Variants in FAT3 observed in about 807,000 individuals in gnomAD.
The protein encoded by FAT3 is protocadherin Fat 3.
A neutral mutation model predicts 310.2 loss-of-function variants in FAT3; 95 were observed. That is an observed-to-expected ratio of 0.31 (90% CI 0.26 to 0.36). The LOEUF is 0.36. Among genes scored for constraint, FAT3 ranks in the 10% least tolerant of loss-of-function variants. The pLI, the probability that FAT3 is intolerant of heterozygous loss-of-function variation, is 1.00. For missense variants in FAT3, 5,408 were observed against 5,715.6 expected, an observed-to-expected ratio of 0.95 and a Z score of 1.74; for synonymous variants, 2,314 against 2,192.9, an observed-to-expected ratio of 1.06 and a Z score of -1.54.
At chr11:92,318,886 C>T (rs1410382535) in intron 1 of FAT3, among the ~76,000 whole-genome samples, 1 of 152,180 alleles carries the variant, frequency 6.6e-6, no homozygotes, top group Non-Finnish European at 1.5e-5. Flanking sequence ...CTGGATTCTG[C>T]AACTGCATGT....
chr11:92,437,835 A>G (rs551341992), intron 2 of FAT3, among the ~76,000 whole-genome samples: 2 of 152,310 alleles, frequency 1.3e-5, no homozygotes, highest in South Asian at 4.1e-4. Flanking sequence ...CATGGAAAGT[A>G]GATTTCAATC....
chr11:92,795,103 G>A (rs1201539783), intron 9 of FAT3, among the ~76,000 whole-genome samples: 1 of 152,138 alleles, frequency 6.6e-6, no homozygotes, highest in Non-Finnish European at 1.5e-5. Flanking sequence ...GAAGGACTGA[G>A]GCAGAATTTG....
chr11:92,337,516 C>CT (rs1450572716), intron 1 of FAT3, among the ~76,000 whole-genome samples: 1 of 152,212 alleles, frequency 6.6e-6, no homozygotes, highest in Non-Finnish European at 1.5e-5. Flanking sequence ...ACTGCAACCT[C>CT]TGCCTCCTGG....
chr11:92,608,969 G>C (rs549710453), intron 3 of FAT3, among the ~76,000 whole-genome samples: 234 of 152,238 alleles, frequency 1.5e-3, no homozygotes, highest in Non-Finnish European at 2.6e-3. Flanking sequence ...AGAACCTTTG[G>C]ATAAACAGGA....
chr11:92,295,505 G>A (rs1039284422), intron 1 of FAT3, among the ~76,000 whole-genome samples: 1 of 152,104 alleles, frequency 6.6e-6, no homozygotes, highest in African/African-American at 2.4e-5. Flanking sequence ...GGTCAAAAAT[G>A]CATTATCTTC....
At chr11:92,493,485 G>A (rs947914580) in intron 2 of FAT3, among the ~76,000 whole-genome samples, 5 of 152,026 alleles carry the variant, frequency 3.3e-5, no homozygotes, top group African/African-American at 9.7e-5. Flanking sequence ...ACACCTGCAC[G>A]GCTTGCTGTG....
Position 92,887,043 on chromosome 11 carries a change from T to C in FAT3, c.12981T>C (p.Gly4327=). The C allele has an allele frequency of 1.9e-6, 3 of 1,611,132 alleles. No homozygotes were observed. Among genetic ancestry groups the C allele is most frequent in the Non-Finnish European group, 2.5e-6 (3 of 1,178,918 alleles). ...CGGGAGAAGTGACCTGCTTTGCAGG[T>C]AGTAATAAAGGCAGCAACTCTGAAG... is the stretch of plus-strand genomic sequence containing the variant. The part of the protein sequence containing the change: ...DDPGEVTCFA[G]SNKGSNSEVQ... Residue 4327 remains glycine (G), a synonymous_variant, in exon 25 of 28, where the codon GGT becomes GGC. Coordinates refer to ENST00000525166, the MANE Select transcript of FAT3 (RefSeq NM_001367949.2).
intron 2 of FAT3, among the ~76,000 whole-genome samples, chr11:92,412,754 T>TATATATATATACAC (rs1565296585): frequency 1.1e-5 from 1 of 94,922 alleles, no homozygotes. Context: ...TAAATATACA[T>TATATATATATACAC]ACATATATAT....
intron 3 of FAT3, among the ~76,000 whole-genome samples, chr11:92,534,972 G>T (rs953726652): frequency 6.6e-6 from 1 of 152,110 alleles, no homozygotes; most frequent in Non-Finnish European, 1.5e-5. Flanking sequence ...TGGTAATAAG[G>T]GGCAATGTAG....
At chr11:92,376,308 C>G (rs1012363986) in intron 2 of FAT3, among the ~76,000 whole-genome samples, 9 of 152,132 alleles carry the variant, frequency 5.9e-5, no homozygotes, top group African/African-American at 1.9e-4. Flanking sequence ...GTTTCTCCAG[C>G]TGTGAGGTCA....
intron 2 of FAT3, among the ~76,000 whole-genome samples, chr11:92,506,835 C>T (rs1382485774): frequency 1.3e-5 from 2 of 152,134 alleles, no homozygotes; most frequent in East Asian, 1.9e-4. Flanking sequence ...ACACAGCTTA[C>T]GATCACTAAG....
At chr11:92,569,428 C>G (rs1384684791) in intron 3 of FAT3, among the ~76,000 whole-genome samples, 1 of 152,124 alleles carries the variant, frequency 6.6e-6, no homozygotes, top group African/African-American at 2.4e-5. Flanking sequence ...AATGACATAT[C>G]AGGCTTTTGT....
intron 4 of FAT3, 109 bp downstream of exon 4, chr11:92,697,554 T>TG: frequency 4.7e-6 from 5 of 1,068,126 alleles, no homozygotes; most frequent in Non-Finnish European, 7.1e-6. Context: ...GATATCAAAG[T>TG]GAAGATATTT....
At chr11:92,859,617 A>G (rs778400571) in intron 21 of FAT3, among the ~76,000 whole-genome samples, 8 of 152,138 alleles carry the variant, frequency 5.3e-5, no homozygotes, top group Non-Finnish European at 1.2e-4. Flanking sequence ...TGTGTCTCCT[A>G]ATCAATTCCA....
chr11:92,851,591 C>A (rs1948830404), intron 19 of FAT3, among the ~76,000 whole-genome samples: 1 of 152,124 alleles, frequency 6.6e-6, no homozygotes, highest in African/African-American at 2.4e-5. Flanking sequence ...GCTTACTCTG[C>A]CATTTTTGTG....
At chr11:92,400,233 T>C (rs1178656153) in intron 2 of FAT3, 1 of 152,218 alleles carries the variant, frequency 6.6e-6, no homozygotes, top group Non-Finnish European at 1.5e-5. Context: ...AGTGATGATA[T>C]ATTAACTTAG....
chr11:92,687,544 T>C, intron 3 of FAT3, among the ~76,000 whole-genome samples: 1 of 152,226 alleles, frequency 6.6e-6, no homozygotes, highest in South Asian at 2.1e-4. Flanking sequence ...CAAAGTTGTC[T>C]AGGGTGTGTG....
At chr11:92,717,082 T>C (rs1216009698) in intron 4 of FAT3, among the ~76,000 whole-genome samples, 1 of 152,218 alleles carries the variant, frequency 6.6e-6, no homozygotes, top group African/African-American at 2.4e-5. Context: ...GGTTGTTTTA[T>C]GTGTTGTGTA....
chr11:92,511,832 C>CT (rs1425058420), intron 2 of FAT3, among the ~76,000 whole-genome samples: 3 of 152,148 alleles, frequency 2.0e-5, no homozygotes, highest in Non-Finnish European at 4.4e-5. Flanking sequence ...AATCCAACAT[C>CT]TGAAAATCTT....
Sources: allele counts gnomAD v4.1 joint callset (sites outside exome capture counted in the v4.1 genomes callset), GRCh38; gene constraint gnomAD v4.1.1; transcripts MANE v1.5; gene names NCBI Gene and HGNC (gene_info 2026-07-23, HGNC 2026-07-21).